LRP5: variants seen among roughly 807,000 people sequenced by gnomAD.
LRP5 encodes low-density lipoprotein receptor-related protein 5.
LRP5 carries 62 observed loss-of-function variants against 154.1 expected under a neutral mutation model. The observed-to-expected ratio is 0.40, with a 90% confidence interval of 0.33 to 0.50. The LOEUF is 0.50. Among genes scored for constraint, LRP5 ranks in the 20% least tolerant of loss-of-function variants. The pLI is 0.55. For missense variants in LRP5, 1,915 were observed against 2,336.7 expected, an observed-to-expected ratio of 0.82 and a Z score of 3.72; for synonymous variants, 966 against 1,011.5, an observed-to-expected ratio of 0.96 and a Z score of 0.85.
intron 22 of LRP5, 78 bp downstream of exon 22, chr11:68,446,611 C>T (rs2098681568): frequency 8.8e-6 from 11 of 1,249,754 alleles, no homozygotes; most frequent in Non-Finnish European, 1.3e-5. Flanking sequence ...CCCCATGCCA[C>T]TGATGAGGGG....
chr11:68,343,903 G>A (rs1310998772), intron 1 of LRP5, among the ~76,000 whole-genome samples: 1 of 152,150 alleles, frequency 6.6e-6, no homozygotes, highest in African/African-American at 2.4e-5. Flanking sequence ...GAATGTGCCG[G>A]GGCCTGGGGG....
chr11:68,351,110 G>T (rs2098618127), intron 2 of LRP5, among the ~76,000 whole-genome samples: 1 of 152,198 alleles, frequency 6.6e-6, no homozygotes, highest in Admixed American at 6.5e-5. Flanking sequence ...TACCAGCAGG[G>T]GTGGGACACG....
At chr11:68,384,258 C>T (rs2098641799) in intron 5 of LRP5, among the ~76,000 whole-genome samples, 1 of 152,210 alleles carries the variant, frequency 6.6e-6, no homozygotes, top group African/African-American at 2.4e-5. Context: ...AGAGCCTGGG[C>T]ACAGGGGACC....
In LRP5 at chr11:68,406,757, G is replaced by T; in HGVS notation, c.2035G>T (p.Ala679Ser). The stretch of plus-strand genomic sequence containing the variant: ...GCTCACGGGCGTCAAGGAGGCCTCA[G>T]CCCTGGACTTTGATGTGTCCAACAA... ...IPLTGVKEAS[A>S]LDFDVSNNHI... Residue 679 changes from alanine to serine, a missense_variant, in exon 9 of 23, where the codon GCC (alanine) becomes TCC (serine). Around this residue, in one of 3 missense-constraint regions of LRP5, gnomAD observed 773 missense variants for 1,100.9 expected, o/e 0.70. Coordinates refer to ENST00000294304, the MANE Select transcript of LRP5 (RefSeq NM_002335.4). 6.2e-7 allele frequency: 1 copy of T among 1,614,084 alleles called. No homozygotes were observed. The highest frequency in any genetic ancestry group is 8.5e-7 in the Non-Finnish European group (1 of 1,180,026).
At chr11:68,339,716 C>T (rs371988697) in intron 1 of LRP5, among the ~76,000 whole-genome samples, 6 of 152,162 alleles carry the variant, frequency 3.9e-5, no homozygotes, top group East Asian at 1.9e-4. Flanking sequence ...GAATAGACTA[C>T]GTTTCATTTA....
intron 1 of LRP5, among the ~76,000 whole-genome samples, chr11:68,317,191 T>G (rs1265194659): frequency 2.0e-4 from 31 of 152,208 alleles, no homozygotes; most frequent in Non-Finnish European, 4.4e-5. Context: ...TGCATTCTCT[T>G]CAGCTCTGGA....
Position 68,447,561 on chromosome 11 carries a change from C to T in LRP5, c.4586+1028C>T, listed in dbSNP as rs1326120624. Among the ~76,000 whole-genome samples, 1 of 152,192 alleles carries T rather than the reference C, an allele frequency of 6.6e-6. No homozygotes were observed. The highest frequency in any genetic ancestry group is 1.5e-5 in the Non-Finnish European group (1 of 68,028). On this transcript the variant is annotated intron_variant, in intron 22 of 22. Transcript: ENST00000294304. This position sits in a 1 kb window ranked among gnomAD's most constrained non-coding sequence, Gnocchi z 4.3. ...CAGACCACTGTCTCCAGAATGGTCA[C>T]ATCCACACTGGGCAGCCCAGTCTCG...
chr11:68,433,779 G>A lies in LRP5; in HGVS notation c.3941G>A (p.Arg1314His), dbSNP rs751382262. The A allele has an allele frequency of 1.9e-6, 3 of 1,612,392 alleles. No homozygotes were observed. Among genetic ancestry groups the A allele is most frequent in the African/African-American group, 1.3e-5 (1 of 74,914 alleles). The change falls in exon 18 of 23, where the codon CGC (arginine) becomes CAC (histidine). Residue 1314 changes from arginine to histidine, a missense_variant. Arg to His is a conservative substitution (Grantham distance 29, BLOSUM62 0). Coordinates refer to ENST00000294304, the MANE Select transcript of LRP5 (RefSeq NM_002335.4). ...PCARGQCVDLRLRCDGEADCQ... is the reference protein window; with the variant it reads ...PCARGQCVDLHLRCDGEADCQ... ...GCGCGGGGTCAGTGTGTGGACCTGCGCCTGCGCTGCGACGGCGAGGCAGAC... is the reference window on the plus strand; with the variant it reads ...GCGCGGGGTCAGTGTGTGGACCTGCACCTGCGCTGCGACGGCGAGGCAGAC...
At chr11:68,403,805 C>A in intron 8 of LRP5, 106 bp downstream of exon 8, 1 of 1,360,138 alleles carries the variant, frequency 7.4e-7, no homozygotes, top group Non-Finnish European at 1.0e-6. Context: ...GTGCCCCGAC[C>A]TGGGGAAGGG....
rs561562878 is a variant in LRP5, at chr11:68,330,055, C to T, written c.91+17250C>T. Among the ~76,000 whole-genome samples, 6 of 152,330 alleles carry T rather than the reference C, an allele frequency of 3.9e-5. No individual in the cohort carries two copies. The South Asian group carries it at 1.2e-3, about 32-fold the overall frequency. On this transcript the variant is annotated intron_variant, in intron 1 of 22. Coordinates refer to ENST00000294304, the MANE Select transcript of LRP5 (RefSeq NM_002335.4). ...ATCAATCAAATGTCATATTCCCTAGCAGCTTGTCCTGGGATCACTGAGCTG... is the reference window on the plus strand; with the variant it reads ...ATCAATCAAATGTCATATTCCCTAGTAGCTTGTCCTGGGATCACTGAGCTG...
At chr11:68,358,409 G>C (rs917718979) in intron 3 of LRP5, among the ~76,000 whole-genome samples, 1 of 152,182 alleles carries the variant, frequency 6.6e-6, no homozygotes, top group South Asian at 2.1e-4. Flanking sequence ...CACCGCACCC[G>C]GCCCATGCAC....
At chr11:68,410,215 G>T in intron 10 of LRP5, 75 bp downstream of exon 10, 3 of 1,203,268 alleles carry the variant, frequency 2.5e-6, no homozygotes, top group Non-Finnish European at 3.6e-6. Context: ...ACTGGGCAAG[G>T]TGGCAGGCTG....
chr11:68,408,018 T>C lies in LRP5; in HGVS notation c.2091+1205T>C, dbSNP rs560688928. On this transcript the variant is annotated intron_variant, in intron 9 of 22. Coordinates refer to ENST00000294304, the MANE Select transcript of LRP5 (RefSeq NM_002335.4). ...AAGTGTGCTGACCTCTGTTCTAAAGTATTGGACAACTACAATGTTTGCTCA... is the reference window on the plus strand; with the variant it reads ...AAGTGTGCTGACCTCTGTTCTAAAGCATTGGACAACTACAATGTTTGCTCA... Among the ~76,000 whole-genome samples, 38 of 152,236 alleles carry C rather than the reference T, an allele frequency of 2.5e-4. No individual in the cohort carries two copies. In the South Asian group the frequency reaches 7.7e-3, roughly 31 times the overall value.
chr11:68,396,169 A>G (rs937212807), intron 7 of LRP5, among the ~76,000 whole-genome samples: 1 of 152,036 alleles, frequency 6.6e-6, no homozygotes, highest in African/African-American at 2.4e-5. Flanking sequence ...TTGAGGATGC[A>G]GTTGGACTCC....
the LRP5 span, among the ~76,000 whole-genome samples, chr11:68,306,212 T>C: frequency 6.6e-6 from 1 of 152,214 alleles, no homozygotes; most frequent in Non-Finnish European, 1.5e-5. Context: ...CTTGGCTCAC[T>C]GCAACCTCCG....
At chr11:68,326,359 T>G (rs564631117) in intron 1 of LRP5, among the ~76,000 whole-genome samples, 1 of 152,324 alleles carries the variant, frequency 6.6e-6, no homozygotes, top group South Asian at 2.1e-4. Context: ...GCTGGCTGCT[T>G]CCTCTGTGGG....
intron 1 of LRP5, among the ~76,000 whole-genome samples, chr11:68,316,864 G>A (rs2098593694): frequency 6.6e-6 from 1 of 152,262 alleles, no homozygotes; most frequent in African/African-American, 2.4e-5. Context: ...AGGGCAGAGT[G>A]AGGGCCAAGT....
chr11:68,309,523 G>A (rs571356182), upstream of LRP5, among the ~76,000 whole-genome samples: 2 of 150,784 alleles, frequency 1.3e-5, no homozygotes, highest in South Asian at 2.1e-4. Flanking sequence ...GTGAGTCACC[G>A]CATCCAGCCC....
chr11:68,414,920 C>G (rs1463948257), intron 12 of LRP5, among the ~76,000 whole-genome samples: 2 of 152,194 alleles, frequency 1.3e-5, no homozygotes, highest in African/African-American at 4.8e-5. Context: ...TGCTCACCAT[C>G]CCTCCCTGGG....
Sources: gnomAD v4.1 joint callset for allele counts (sites outside exome capture counted in the v4.1 genomes callset) on GRCh38, gnomAD v4.1.1 for gene constraint, gnomAD v4.1.1 regional missense constraint, Gnocchi (gnomAD v3.1) non-coding constraint, MANE v1.5 for transcripts, NCBI Gene and HGNC (gene_info 2026-07-23, HGNC 2026-07-21) for gene names.